The following LONP2 variants were observed in gnomAD, a reference collection of about 807,000 sequenced individuals.
LONP2 encodes lon peptidase 2, peroxisomal, also known as lon protease homolog 2, peroxisomal.
Under a neutral mutation model 85.6 loss-of-function variants are expected in LONP2, and 60 were observed. The ratio of observed to expected loss-of-function variants is 0.70; its 90% confidence interval spans 0.57 to 0.87. LONP2 has a LOEUF of 0.87. Ranked by LOEUF, LONP2 falls within the 40% of genes least tolerant of loss-of-function variation. The pLI, the probability that LONP2 is intolerant of heterozygous loss-of-function variation, is 0.00. For synonymous variants in LONP2, 395 were observed against 389.7 expected (o/e 1.01, Z -0.16); for missense variants, 860 against 1,063.5 (o/e 0.81, Z 2.66).
At chr16:48,258,522 T>C in intron 3 of LONP2, 96 bp from the exon 4 acceptor site, 2 of 1,272,486 alleles carry the variant, frequency 1.6e-6, no homozygotes, top group Non-Finnish European at 2.1e-6. Context: ...TAATAATTTT[T>C]TTTTAACTTG....
intron 11 of LONP2, among the ~76,000 whole-genome samples, chr16:48,315,965 T>G (rs1467046447): frequency 7.0e-6 from 1 of 143,700 alleles, no homozygotes; most frequent in Non-Finnish European, 1.5e-5. Context: ...ATATTGTAAT[T>G]TTTTTTTTTT....
intron 11 of LONP2, among the ~76,000 whole-genome samples, chr16:48,309,646 T>C (rs540036794): frequency 6.6e-6 from 1 of 152,356 alleles, no homozygotes; most frequent in South Asian, 2.1e-4. Context: ...CATGTGTTTG[T>C]ATATTTTTGA....
chr16:48,266,655 G>A (rs1023746008), intron 6 of LONP2, among the ~76,000 whole-genome samples: 2 of 152,026 alleles, frequency 1.3e-5, no homozygotes, highest in African/African-American at 4.8e-5. Context: ...ATTATTTTGA[G>A]GTTCATCCAT....
At chr16:48,337,648 G>T (rs1358747240) in intron 12 of LONP2, among the ~76,000 whole-genome samples, 1 of 152,182 alleles carries the variant, frequency 6.6e-6, no homozygotes, top group Non-Finnish European at 1.5e-5. Context: ...AGAGCTCACA[G>T]GTGGACCTGA....
At chr16:48,247,551 C>T (rs1971480338) in intron 1 of LONP2, 1 of 52,618 alleles carries the variant, frequency 1.9e-5, no homozygotes, top group Non-Finnish European at 4.4e-5. Context: ...GGCATGTTGC[C>T]TGCAGGAGCC....
At chr16:48,289,126 C>T (rs1319791425) in intron 8 of LONP2, among the ~76,000 whole-genome samples, 1 of 152,060 alleles carries the variant, frequency 6.6e-6, no homozygotes, top group Non-Finnish European at 1.5e-5. Flanking sequence ...CTTTTTAAAC[C>T]ACTCAACCCA....
chr16:48,276,071 G>C (rs1346340255), intron 7 of LONP2, among the ~76,000 whole-genome samples: 1 of 152,084 alleles, frequency 6.6e-6, no homozygotes, highest in African/African-American at 2.4e-5. Context: ...CAGAGTAATG[G>C]CAAATCTGTA....
At chr16:48,341,497 G>T (rs989404803) in intron 12 of LONP2, among the ~76,000 whole-genome samples, 1 of 151,636 alleles carries the variant, frequency 6.6e-6, no homozygotes, top group South Asian at 2.1e-4. Context: ...TCACTATTGC[G>T]AGGACGACAG....
At chr16:48,350,946 AAG>A (rs1159808020) in intron 14 of LONP2, among the ~76,000 whole-genome samples, 3 of 152,208 alleles carry the variant, frequency 2.0e-5, no homozygotes, top group African/African-American at 4.8e-5. Context: ...GCAGGTGATC[AAG>A]AGAGATTCAG....
intron 6 of LONP2, 94 bp from the exon 7 acceptor site, chr16:48,269,922 C>A (rs1972066913): frequency 7.6e-7 from 1 of 1,307,930 alleles, no homozygotes; most frequent in African/African-American, 1.5e-5. Flanking sequence ...CATCTATTTT[C>A]AAAAAAAATA....
At position 48,335,501 on chromosome 16, in the gene LONP2, C is replaced by T. The variant is rs555548267; in HGVS notation, c.1938+1143C>T. Among the ~76,000 whole-genome samples, 4 of 152,264 alleles carry T rather than the reference C, an allele frequency of 2.6e-5. No homozygotes were observed. The South Asian group carries it at 8.3e-4, about 32-fold the overall frequency. Reference sequence around the variant, plus strand: ...GGCATTGTGAAATAATTTATAGGTGCTTAGATGAGCTTTCATAGGTTGGTT... The same window carrying T: ...GGCATTGTGAAATAATTTATAGGTGTTTAGATGAGCTTTCATAGGTTGGTT... On this transcript the variant is annotated intron_variant, in intron 12 of 14. Coordinates refer to ENST00000285737, the MANE Select transcript of LONP2 (RefSeq NM_031490.5).
intron 6 of LONP2, among the ~76,000 whole-genome samples, chr16:48,268,899 A>G (rs961833397): frequency 6.6e-6 from 1 of 152,024 alleles, no homozygotes; most frequent in African/African-American, 2.4e-5. Flanking sequence ...CAAATTCTAA[A>G]TAATTAATTA....
chr16:48,329,519 T>TTG (rs1959368895), intron 11 of LONP2, among the ~76,000 whole-genome samples: 1 of 152,216 alleles, frequency 6.6e-6, no homozygotes, highest in South Asian at 2.1e-4. Context: ...GTTTATTTTA[T>TTG]TAGTATTGTT....
downstream of LONP2, among the ~76,000 whole-genome samples, chr16:48,358,689 C>CA (rs1340291003): frequency 6.6e-6 from 1 of 152,078 alleles, no homozygotes; most frequent in Non-Finnish European, 1.5e-5. Context: ...AGCATGATGC[C>CA]ATACACCTGT....
intron 11 of LONP2, among the ~76,000 whole-genome samples, chr16:48,309,082 G>T (rs892442841): frequency 5.9e-5 from 9 of 152,092 alleles, no homozygotes; most frequent in Non-Finnish European, 1.2e-4. Context: ...TCAGAGAAAT[G>T]AAAAATCTAT....
downstream of LONP2, among the ~76,000 whole-genome samples, chr16:48,359,760 ATATT>A (rs372953047): frequency 5.4e-4 from 82 of 152,134 alleles, no homozygotes; most frequent in Non-Finnish European, 9.6e-4. Flanking sequence ...AGTTCAAAAG[ATATT>A]TATGTAAGGA....
intron 10 of LONP2, among the ~76,000 whole-genome samples, chr16:48,299,998 A>G (rs893996660): frequency 1.4e-5 from 2 of 144,780 alleles, no homozygotes; most frequent in African/African-American, 5.1e-5. Context: ...ATAACTATTG[A>G]TTTACACCGT....
At chr16:48,298,626 GGTGTGTGTGTGT>G (rs3138605) in intron 9 of LONP2, among the ~76,000 whole-genome samples, 57 of 134,392 alleles carry the variant, frequency 4.2e-4, no homozygotes, top group South Asian at 1.0e-3. Flanking sequence ...ATTTAATTGA[GGTGTGTGTGTGT>G]GTGTGTGTGT....
chr16:48,358,168 A>G (rs1458389979), downstream of LONP2, among the ~76,000 whole-genome samples: 1 of 152,232 alleles, frequency 6.6e-6, no homozygotes, highest in Non-Finnish European at 1.5e-5. Context: ...TTAATACTAA[A>G]ATGTCAAGCT....
Sources: allele counts gnomAD v4.1 joint callset (sites outside exome capture counted in the v4.1 genomes callset), GRCh38; gene constraint gnomAD v4.1.1; transcripts MANE v1.5; gene names NCBI Gene and HGNC (gene_info 2026-07-23, HGNC 2026-07-21).